AQP11: variants seen among roughly 807,000 people sequenced by gnomAD.
AQP11 encodes aquaporin-11.
A neutral mutation model predicts 21.1 loss-of-function variants in AQP11; 20 were observed. That is an observed-to-expected ratio of 0.95 (90% CI 0.67 to 1.38). AQP11 has a LOEUF of 1.38. Among genes scored for constraint, AQP11 ranks in the 40% most tolerant of loss-of-function variants. The pLI, the probability that AQP11 is intolerant of heterozygous loss-of-function variation, is 0.00. For missense variants in AQP11, 339 were observed against 340.4 expected (o/e 1.00, Z 0.03); for synonymous variants, 167 against 150.1 (o/e 1.11, Z -0.82).
rs1958785896 is a variant in AQP11 at position 77,596,742 on chromosome 11, C to T, written c.619+6131C>T. Among the ~76,000 whole-genome samples, 12 of 151,168 alleles carry T rather than the reference C, an allele frequency of 7.9e-5. No homozygotes were observed. The South Asian group carries it at 2.3e-3, about 29-fold the overall frequency. On this transcript the variant is annotated intron_variant, in intron 1 of 2. Transcript: ENST00000313578. ...AGGTATGGTGGTGCACGCCTGTAGT[C>T]TTAGCTACTTAAGAGGCTGAGACAG...
At chr11:77,596,501 T>TATATATGTGTAA (rs1565117423) in intron 1 of AQP11, among the ~76,000 whole-genome samples, 19 of 116,614 alleles carry the variant, frequency 1.6e-4, no homozygotes, top group African/African-American at 5.7e-4. Context: ...TATGTGTAAA[T>TATATATGTGTAA]ATATATGTGT....
Position 77,609,704 on chromosome 11 carries a change from G to T in AQP11, c.*327G>T, listed in dbSNP as rs1958866623. On this transcript the variant is annotated 3_prime_UTR_variant, in exon 3 of 3. Transcript: ENST00000313578. ...GTACAGGATGAGAAGGGAAGTAAAG[G>T]TGATAGTAAGATCAACGAATTTGTG... The T allele has an allele frequency of 5.7e-6, 1 of 176,780 alleles. No homozygotes were observed. Among genetic ancestry groups the T allele is most frequent in the Non-Finnish European group, 1.2e-5 (1 of 84,088 alleles). The allele number at this position is 176,780 out of a possible 1,614,324, so 11.0% of individuals were successfully genotyped here. A position where few individuals can be genotyped will look rare whatever the true frequency, so the allele number is the denominator to read the frequency against.
Position 77,609,442 on chromosome 11 carries a change from C to G in AQP11, c.*65C>G. 4 of 1,297,038 alleles carry G rather than the reference C, an allele frequency of 3.1e-6. No homozygotes were observed. The highest frequency in any genetic ancestry group is 3.2e-6 in the Non-Finnish European group (3 of 930,648). 80.3% of individuals were successfully genotyped at this position (1,297,038 alleles called of 1,614,324 possible). On this transcript the variant is annotated 3_prime_UTR_variant, in exon 3 of 3. Transcript: ENST00000313578. ...CTGGATGTGATAAAGATTTTATCAC[C>G]TCATATGGAAAACACCGGCTGCACT... is the stretch of plus-strand genomic sequence containing the variant.
rs372332505 is a variant in AQP11, at chr11:77,590,388, G to A, written c.396G>A (p.Arg132=). 2.5e-6 allele frequency: 4 copies of A among 1,613,850 alleles called. No individual in the cohort carries two copies. Among genetic ancestry groups the A allele is most frequent in the Non-Finnish European group, 3.4e-6 (4 of 1,180,018 alleles). ...LAQLVSALCS[R]YCTSALWSLG... ...AGCTGGTTAGTGCCCTGTGCAGCAGGTACTGCACAAGCGCCTTGTGGAGCT... is the reference window on the plus strand; with the variant it reads ...AGCTGGTTAGTGCCCTGTGCAGCAGATACTGCACAAGCGCCTTGTGGAGCT... Residue 132 remains arginine (R), a synonymous_variant, in exon 1 of 3, where the codon AGG becomes AGA. Coordinates refer to ENST00000313578, the MANE Select transcript of AQP11 (RefSeq NM_173039.3).
At position 77,603,569 on chromosome 11, in the gene AQP11, A is replaced by G; in HGVS notation, c.633A>G (p.Thr211=). Residue 211 remains threonine, a synonymous_variant, in exon 2 of 3, where the codon ACA becomes ACG. Transcript: ENST00000313578. ...AATCTGTTACAGGAGGAAGTCTAAC[A>G]GGAGCTGTATTTAATCCAGCTTTGG... ...TFLVYAGGSL[T]GAVFNPALAL... The G allele has an allele frequency of 6.3e-7, 1 of 1,590,108 alleles. No homozygotes were observed. Among genetic ancestry groups the G allele is most frequent in the Non-Finnish European group, 8.5e-7 (1 of 1,169,856 alleles).
At chr11:77,595,296 G>A (rs528874542) in intron 1 of AQP11, among the ~76,000 whole-genome samples, 9 of 151,986 alleles carry the variant, frequency 5.9e-5, no homozygotes, top group Non-Finnish European at 8.8e-5. Flanking sequence ...AGCTGAGGTC[G>A]TGCCATTGCA....
intron 1 of AQP11, chr11:77,591,118 T>C: frequency 4.1e-6 from 4 of 974,334 alleles, no homozygotes; most frequent in Non-Finnish European, 4.9e-6. Context: ...TCTTATTTCC[T>C]TAATAATTCA....
chr11:77,590,170 T>C lies in AQP11; in HGVS notation c.178T>C (p.Cys60Arg). 1 of 1,605,940 alleles carries C rather than the reference T, an allele frequency of 6.2e-7. No individual in the cohort carries two copies. The highest frequency in any genetic ancestry group is 8.5e-7 in the Non-Finnish European group (1 of 1,177,554). Residue 60 changes from cysteine to arginine, a missense_variant, in exon 1 of 3, where the codon TGC (cysteine) becomes CGC (arginine). Cys to Arg is a radical substitution (Grantham distance 180, BLOSUM62 -3). Transcript: ENST00000313578. ...TCTAGCCACCTTCCAGCTCTGCTGC[T>C]GCACCCACGAGCTGCAACTGCTGAG... is the stretch of plus-strand genomic sequence containing the variant. ...EFLATFQLCC[C>R]THELQLLSEQ...
At chr11:77,603,940 CTTT>C (rs59061258) in intron 2 of AQP11, among the ~76,000 whole-genome samples, 1 of 149,288 alleles carries the variant, frequency 6.7e-6, no homozygotes, top group Non-Finnish European at 1.5e-5. Context: ...CAAAAATAAT[CTTT>C]TTTTTTTTTG....
chr11:77,604,073 A>C (rs536769527), intron 2 of AQP11, among the ~76,000 whole-genome samples: 1 of 152,310 alleles, frequency 6.6e-6, no homozygotes, highest in African/African-American at 2.4e-5. Flanking sequence ...AGTATAGTTT[A>C]AAAATTATCC....
intron 1 of AQP11, chr11:77,590,819 A>G (rs72945563): frequency 0.012 from 11,412 of 985,406 alleles, 82 homozygotes; most frequent in Non-Finnish European, 0.013. Context: ...ACACCCAGAG[A>G]AAGGAGCCAC....
In AQP11 at chr11:77,590,084, C is replaced by T; in HGVS notation, c.92C>T (p.Ala31Val). 1 of 1,607,314 alleles carries T rather than the reference C, an allele frequency of 6.2e-7. No individual in the cohort carries two copies. Residue 31 changes from alanine (A) to valine (V), a missense_variant, in exon 1 of 3, where the codon GCC (alanine) becomes GTC (valine). Physicochemically the swap from Ala to Val is moderately conservative, Grantham distance 64 (BLOSUM62 0). Transcript: ENST00000313578. The stretch of plus-strand genomic sequence containing the variant: ...TCGGTGGTGCTGCTCATGGGGCTGG[C>T]CCGCGTAGTCGCCCGGCAGCAGCTG... ...MLSVVLLMGL[A>V]RVVARQQLHR... is the part of the protein sequence containing the mutation.
intron 2 of AQP11, among the ~76,000 whole-genome samples, chr11:77,605,183 A>C (rs1176954320): frequency 6.6e-6 from 1 of 152,116 alleles, no homozygotes; most frequent in Non-Finnish European, 1.5e-5. Context: ...ACAGAGCGAG[A>C]CTCCATCTCA....
At chr11:77,605,531 C>T (rs1284697351) in intron 2 of AQP11, among the ~76,000 whole-genome samples, 1 of 152,106 alleles carries the variant, frequency 6.6e-6, no homozygotes, top group African/African-American at 2.4e-5. Flanking sequence ...GCATTAGATT[C>T]TCATAGGAAC....
At chr11:77,600,800 C>T (rs971954275) in intron 1 of AQP11, among the ~76,000 whole-genome samples, 1 of 152,096 alleles carries the variant, frequency 6.6e-6, no homozygotes, top group Non-Finnish European at 1.5e-5. Flanking sequence ...ATCACGAGGT[C>T]AGGAGATCGA....
In AQP11 at chr11:77,610,128, A is replaced by G. The variant is rs1017219628; in HGVS notation, c.*751A>G. The G allele has an allele frequency of 6.6e-6, 1 of 152,206 alleles. No individual in the cohort carries two copies. The highest frequency in any genetic ancestry group is 2.4e-5 in the African/African-American group (1 of 41,440). The allele number at this position is 152,206 out of a possible 1,614,324, so 9.4% of individuals were successfully genotyped here. On this transcript the variant is annotated 3_prime_UTR_variant, in exon 3 of 3. Transcript: ENST00000313578. Reference sequence around the variant, plus strand: ...GGCATGTATTTTTAATCTCCATTTTACAGATAAGGAAACTAAGCCTAGATG... The same window carrying G: ...GGCATGTATTTTTAATCTCCATTTTGCAGATAAGGAAACTAAGCCTAGATG...
At chr11:77,600,296 T>C (rs1204051544) in intron 1 of AQP11, among the ~76,000 whole-genome samples, 1 of 152,112 alleles carries the variant, frequency 6.6e-6, no homozygotes, top group South Asian at 2.1e-4. Context: ...ATATATATTA[T>C]TGTATATGCG....
Position 77,603,611 on chromosome 11 carries a change from C to T in AQP11, c.675C>T (p.Phe225=). Residue 225 remains phenylalanine (F), a synonymous_variant, in exon 2 of 3, where the codon TTC becomes TTT. Transcript: ENST00000313578. ...FNPALALSLH[F]MCFDEAFPQF... ...CAGCTTTGGCACTTTCGCTACATTT[C>T]ATGTGTTTTGATGAAGCATTCCCTC... is the stretch of plus-strand genomic sequence containing the variant. 1 of 1,609,822 alleles carries T rather than the reference C, an allele frequency of 6.2e-7. No individual in the cohort carries two copies. Among genetic ancestry groups the T allele is most frequent in the Non-Finnish European group, 8.5e-7 (1 of 1,178,364 alleles).
intron 2 of AQP11, among the ~76,000 whole-genome samples, chr11:77,605,183 A>T (rs1176954320): frequency 6.6e-6 from 1 of 152,116 alleles, no homozygotes; most frequent in Non-Finnish European, 1.5e-5. Context: ...ACAGAGCGAG[A>T]CTCCATCTCA....
Sources: gnomAD v4.1 joint callset for allele counts (sites outside exome capture counted in the v4.1 genomes callset) on GRCh38, gnomAD v4.1.1 for gene constraint, MANE v1.5 for transcripts, NCBI Gene and HGNC (gene_info 2026-07-23, HGNC 2026-07-21) for gene names.